DENND5B: variants seen among roughly 807,000 people sequenced by gnomAD.
DENND5B encodes the protein DENN domain containing 5B, also known as DENN domain-containing protein 5B.
Under a neutral mutation model 140.6 loss-of-function variants are expected in DENND5B, and 34 were observed. The observed-to-expected ratio is 0.24, with a 90% CI of 0.18 to 0.32. The LOEUF is 0.32. DENND5B is among the 10% of genes least tolerant of loss of function. DENND5B has a pLI of 1.00. For synonymous variants in DENND5B, 551 were observed against 562.1 expected, an observed-to-expected ratio of 0.98 and a Z score of 0.28; for missense variants, 1,142 against 1,560.2, an observed-to-expected ratio of 0.73 and a Z score of 4.52.
At chr12:31,406,964 A>T (rs1942159269) in intron 14 of DENND5B, among the ~76,000 whole-genome samples, 1 of 149,818 alleles carries the variant, frequency 6.7e-6, no homozygotes, top group Non-Finnish European at 1.5e-5. Context: ...ACGTCCGGCT[A>T]ATTTTTGTAT....
chr12:31,497,975 GAA>G (rs1050967459), intron 1 of DENND5B, among the ~76,000 whole-genome samples: 11 of 149,048 alleles, frequency 7.4e-5, no homozygotes, highest in African/African-American at 2.2e-4. Flanking sequence ...GGAAGGGAAA[GAA>G]AGAGAGGAAA....
In DENND5B at chr12:31,567,751, C is replaced by A. The variant is rs555444580; in HGVS notation, c.127+22955G>T. 5.9e-5 allele frequency among the ~76,000 whole-genome samples: 9 copies of A among 152,252 alleles called. No individual in the cohort carries two copies. The East Asian group carries it at 1.5e-3, about 26-fold the overall frequency. ...GCTTGAGCCCAGGAGATTAAGGCTGCAGTGAGCTATGATCTCACCACTGCA... is the reference window on the plus strand; with the variant it reads ...GCTTGAGCCCAGGAGATTAAGGCTGAAGTGAGCTATGATCTCACCACTGCA... On this transcript the variant is annotated intron_variant, in intron 1 of 20. Transcript: ENST00000389082.
At chr12:31,477,732 A>G (rs1354505428) in intron 3 of DENND5B, 1 of 181,034 alleles carries the variant, frequency 5.5e-6, no homozygotes, top group Non-Finnish European at 1.3e-5. Context: ...AAAGTACAAA[A>G]AGGTGTCCAT....
At chr12:31,508,290 C>T (rs912806910) in intron 1 of DENND5B, among the ~76,000 whole-genome samples, 3 of 152,096 alleles carry the variant, frequency 2.0e-5, no homozygotes, top group Non-Finnish European at 4.4e-5. Flanking sequence ...CATACTATCA[C>T]CAAAAAAATT....
chr12:31,433,047 T>G (rs1275886741), intron 8 of DENND5B, 108 bp downstream of exon 8: 2 of 836,492 alleles, frequency 2.4e-6, no homozygotes, highest in Non-Finnish European at 3.7e-6. Context: ...AACTAAACAG[T>G]TTTTTTTTTA....
intron 1 of DENND5B, among the ~76,000 whole-genome samples, chr12:31,518,292 G>A (rs1457997930): frequency 6.6e-6 from 1 of 152,210 alleles, no homozygotes; most frequent in Admixed American, 6.5e-5. Flanking sequence ...TTAAGAGCCT[G>A]AGCAGTCCCT....
chr12:31,556,766 T>G (rs1168471294), intron 1 of DENND5B, among the ~76,000 whole-genome samples: 1 of 152,142 alleles, frequency 6.6e-6, no homozygotes, highest in South Asian at 2.1e-4. Flanking sequence ...AAATACACAC[T>G]GAAGTGTAAA....
chr12:31,430,731 G>A (rs977175312), intron 8 of DENND5B, among the ~76,000 whole-genome samples: 5 of 152,116 alleles, frequency 3.3e-5, no homozygotes, highest in Non-Finnish European at 5.9e-5. Flanking sequence ...CAAGCTAGAC[G>A]GTGGCTGTCC....
intron 1 of DENND5B, among the ~76,000 whole-genome samples, chr12:31,556,933 C>T (rs1949306542): frequency 6.6e-6 from 1 of 152,102 alleles, no homozygotes; most frequent in African/African-American, 2.4e-5. Flanking sequence ...AAGATTTTCC[C>T]ACTAGGAGGT....
intron 12 of DENND5B, 88 bp from the exon 13 acceptor site, chr12:31,413,652 G>A: frequency 2.1e-6 from 3 of 1,411,626 alleles, no homozygotes; most frequent in Non-Finnish European, 2.8e-6. Flanking sequence ...ACTGGGCACA[G>A]AAAGGTTTAT....
At chr12:31,477,839 T>C (rs946100704) in intron 3 of DENND5B, 1 of 219,162 alleles carries the variant, frequency 4.6e-6, no homozygotes, top group African/African-American at 2.3e-5. Context: ...AAACTGAAAG[T>C]GGTTTAACAG....
chr12:31,430,533 G>T (rs1943465878), intron 8 of DENND5B, among the ~76,000 whole-genome samples: 2 of 149,872 alleles, frequency 1.3e-5, no homozygotes, highest in South Asian at 4.3e-4. Context: ...AATTAGGTGG[G>T]CGTGGTACGT....
chr12:31,577,837 T>C (rs1950069362), intron 1 of DENND5B, among the ~76,000 whole-genome samples: 1 of 151,628 alleles, frequency 6.6e-6, no homozygotes, highest in Non-Finnish European at 1.5e-5. Context: ...GAAAAAATTC[T>C]ACAGGGTCCA....
intron 4 of DENND5B, among the ~76,000 whole-genome samples, chr12:31,457,099 C>T (rs1349686875): frequency 6.6e-6 from 1 of 152,146 alleles, no homozygotes; most frequent in Non-Finnish European, 1.5e-5. Context: ...AAATTATTTC[C>T]TCAGAATCTC....
intron 4 of DENND5B, among the ~76,000 whole-genome samples, chr12:31,454,138 T>C (rs1034078744): frequency 2.1e-5 from 3 of 141,716 alleles, no homozygotes; most frequent in African/African-American, 5.3e-5. Flanking sequence ...AGCGAGACTT[T>C]GGCCAAAAAA....
chr12:31,553,195 CATTTAGTGCT>C (rs1289036278), intron 1 of DENND5B, among the ~76,000 whole-genome samples: 1 of 152,168 alleles, frequency 6.6e-6, no homozygotes, highest in African/African-American at 2.4e-5. Context: ...CTCTTGTGGA[CATTTAGTGCT>C]ATAAATTTCC....
At chr12:31,559,827 A>G (rs967738224) in intron 1 of DENND5B, among the ~76,000 whole-genome samples, 1 of 152,178 alleles carries the variant, frequency 6.6e-6, no homozygotes, top group Non-Finnish European at 1.5e-5. Flanking sequence ...CTATTACCAC[A>G]TGGAAATTTT....
rs1304039737 is a variant in DENND5B, at chr12:31,452,302, T to C, written c.1267A>G (p.Met423Val). The change falls in exon 5 of 21, where the codon ATG becomes GTG. Residue 423 changes from methionine to valine, a missense_variant. By Grantham distance (21) the Met-to-Val change is conservative. This residue lies in a region of DENND5B where 708 missense variants were observed against 905.5 expected (regional missense o/e 0.78). Coordinates refer to ENST00000389082, the MANE Select transcript of DENND5B (RefSeq NM_144973.4). Reference sequence around the variant, plus strand: ...TCATTGACCAAGTCTTTCAGAACCATATTCTTCAGTTTGCTGGTACTCTCA... The same window carrying C: ...TCATTGACCAAGTCTTTCAGAACCACATTCTTCAGTTTGCTGGTACTCTCA... ...CSESTSKLKN[M>V]VLKDLVNDKK... 2 of 1,613,940 alleles carry C rather than the reference T, an allele frequency of 1.2e-6. No homozygotes were observed. Among genetic ancestry groups the C allele is most frequent in the Non-Finnish European group, 1.7e-6 (2 of 1,179,884 alleles).
chr12:31,513,367 CA>C (rs1191601518), intron 1 of DENND5B, among the ~76,000 whole-genome samples: 1 of 152,148 alleles, frequency 6.6e-6, no homozygotes, highest in Non-Finnish European at 1.5e-5. Context: ...TCACTCTACC[CA>C]ACCCACATTT....
Sources: allele counts gnomAD v4.1 joint callset (sites outside exome capture counted in the v4.1 genomes callset), GRCh38; gene constraint gnomAD v4.1.1; regional missense constraint gnomAD v4.1.1; transcripts MANE v1.5; gene names NCBI Gene and HGNC (gene_info 2026-07-23, HGNC 2026-07-21).